The following ADAMTSL1 variants were observed in gnomAD, a reference collection of about 807,000 sequenced individuals.
The protein encoded by ADAMTSL1 is ADAMTS-like protein 1.
Under a neutral mutation model 201.8 loss-of-function variants are expected in ADAMTSL1, and 126 were observed. That is an observed-to-expected ratio of 0.62 (90% CI 0.54 to 0.72). ADAMTSL1 has a LOEUF of 0.72. ADAMTSL1 is among the 30% of genes least tolerant of loss of function. The pLI is 0.00. For synonymous variants in ADAMTSL1, 1,121 were observed against 903.4 expected (o/e 1.24, Z -4.32); for missense variants, 2,679 against 2,277.8 (o/e 1.18, Z -3.59).
chr9:18,636,575 A>G (rs1827126430), intron 6 of ADAMTSL1, among the ~76,000 whole-genome samples: 1 of 152,208 alleles, frequency 6.6e-6, no homozygotes, highest in African/African-American at 2.4e-5. Flanking sequence ...ACTGGGATTC[A>G]GGATTGAATG....
intron 2 of ADAMTSL1, among the ~76,000 whole-genome samples, chr9:18,185,380 C>G (rs1828689198): frequency 6.6e-6 from 1 of 152,092 alleles, no homozygotes; most frequent in South Asian, 2.1e-4. Context: ...TAAACACTTC[C>G]CCTGATGAGT....
intron 1 of ADAMTSL1, among the ~76,000 whole-genome samples, chr9:18,112,403 A>G (rs1825062592): frequency 6.6e-6 from 1 of 152,020 alleles, no homozygotes; most frequent in South Asian, 2.1e-4. Flanking sequence ...GGTATGTTCC[A>G]TACAGATTCT....
At chr9:17,994,642 A>G (rs1278057541) in intron 1 of ADAMTSL1, among the ~76,000 whole-genome samples, 1 of 152,174 alleles carries the variant, frequency 6.6e-6, no homozygotes, top group Non-Finnish European at 1.5e-5. Context: ...TGTATTTAAG[A>G]TAAAGTTAAC....
intron 21 of ADAMTSL1, among the ~76,000 whole-genome samples, chr9:18,822,774 T>C (rs1824292600): frequency 6.6e-6 from 1 of 152,228 alleles, no homozygotes; most frequent in Non-Finnish European, 1.5e-5. Flanking sequence ...GTTTGACTTA[T>C]AGCAAATGTT....
At chr9:18,244,114 T>TAC (rs1394713849) in intron 2 of ADAMTSL1, among the ~76,000 whole-genome samples, 18 of 38,168 alleles carry the variant, frequency 4.7e-4, no homozygotes, top group Non-Finnish European at 7.7e-4. Flanking sequence ...TGTGTGTACG[T>TAC]GTGTGTGTGT....
rs567436360 is a variant in ADAMTSL1 at position 18,375,205 on chromosome 9, A to G, written c.208-129624A>G. Among the ~76,000 whole-genome samples, 14 of 152,370 alleles carry G rather than the reference A, an allele frequency of 9.2e-5. No homozygotes were observed. The South Asian group carries it at 2.7e-3, about 29-fold the overall frequency. ...ATTAGGAGAAATGAACTATTCTGAT[A>G]GAGAATAGCCCTTACTGGTTCATTT... On this transcript the variant is annotated intron_variant, in intron 2 of 29. Transcript: ENST00000680146.
chr9:18,819,183 T>C (rs796308703), intron 21 of ADAMTSL1, among the ~76,000 whole-genome samples: 4 of 152,140 alleles, frequency 2.6e-5, no homozygotes, highest in African/African-American at 9.6e-5. Flanking sequence ...GGGCCAGGCA[T>C]GGGGACTCAC....
At chr9:18,756,120 T>C (rs1451602399) in intron 16 of ADAMTSL1, among the ~76,000 whole-genome samples, 1 of 75,316 alleles carries the variant, frequency 1.3e-5, no homozygotes, top group African/African-American at 4.9e-5. Context: ...TATATATATA[T>C]ATACAAAAAT....
intron 10 of ADAMTSL1, among the ~76,000 whole-genome samples, chr9:18,678,499 A>G (rs1830255256): frequency 6.6e-6 from 1 of 152,166 alleles, no homozygotes; most frequent in East Asian, 1.9e-4. Context: ...TTTTGAAATA[A>G]TATTGCCTCA....
At chr9:18,306,288 T>A (rs1833905522) in intron 2 of ADAMTSL1, among the ~76,000 whole-genome samples, 1 of 152,102 alleles carries the variant, frequency 6.6e-6, no homozygotes, top group South Asian at 2.1e-4. Context: ...CTTCTTCTCC[T>A]CCAAAGGATC....
At chr9:18,686,287 G>A (rs888747549) in intron 13 of ADAMTSL1, among the ~76,000 whole-genome samples, 9 of 152,172 alleles carry the variant, frequency 5.9e-5, no homozygotes, top group Non-Finnish European at 1.0e-4. Flanking sequence ...GTACTGTAAA[G>A]TTACTACAGC....
intron 14 of ADAMTSL1, among the ~76,000 whole-genome samples, chr9:18,709,814 T>TA (rs1419241974): frequency 6.6e-6 from 1 of 152,154 alleles, no homozygotes; most frequent in Non-Finnish European, 1.5e-5. Context: ...AAATCCACGT[T>TA]AAAATCTAGC....
chr9:18,381,968 T>C (rs1332252310), intron 2 of ADAMTSL1, among the ~76,000 whole-genome samples: 4 of 152,234 alleles, frequency 2.6e-5, no homozygotes, highest in Admixed American at 6.5e-5. Context: ...ATACTGTTTC[T>C]AGACAGGTCA....
At chr9:18,903,909 G>C (rs1459177591) in intron 26 of ADAMTSL1, among the ~76,000 whole-genome samples, 1 of 151,274 alleles carries the variant, frequency 6.6e-6, no homozygotes, top group Non-Finnish European at 1.5e-5. Context: ...TTGTTCAAAG[G>C]TCAACTATAC....
intron 2 of ADAMTSL1, 81 bp from the exon 3 acceptor site, chr9:18,533,166 G>T: frequency 7.9e-7 from 1 of 1,263,176 alleles, no homozygotes; most frequent in South Asian, 1.3e-5. Flanking sequence ...CTAGTATTTA[G>T]AGCAAATTTT....
chr9:17,948,894 A>G (rs759538188), intron 1 of ADAMTSL1, among the ~76,000 whole-genome samples: 30 of 152,348 alleles, frequency 2.0e-4, no homozygotes, highest in Middle Eastern at 3.4e-3. Flanking sequence ...AATTATCAGT[A>G]ATCCTCTCTA....
chr9:18,658,719 C>G (rs184623280), intron 8 of ADAMTSL1, among the ~76,000 whole-genome samples: 36 of 152,314 alleles, frequency 2.4e-4, no homozygotes, highest in African/African-American at 8.4e-4. Flanking sequence ...TTCTGCTCAT[C>G]ATAATTATAG....
chr9:18,223,110 C>T (rs969592116), intron 2 of ADAMTSL1, among the ~76,000 whole-genome samples: 1 of 151,910 alleles, frequency 6.6e-6, no homozygotes, highest in African/African-American at 2.4e-5. Flanking sequence ...CATCAATTTC[C>T]AGCCAATATC....
chr9:18,211,703 C>T lies in ADAMTSL1; in HGVS notation c.207+47722C>T, dbSNP rs147054560. On this transcript the variant is annotated intron_variant, in intron 2 of 29. Coordinates refer to the ADAMTSL1 transcript ENST00000680146. ...CTTTTATTTTAGAAGAGAATTTCAC[C>T]GTCCCTTCAGCATCTGAAGCTAAAG... Among the ~76,000 whole-genome samples, 10 of 152,204 alleles carry T rather than the reference C, an allele frequency of 6.6e-5. No individual in the cohort carries two copies. The East Asian group carries it at 9.7e-4, about 15-fold the overall frequency.
Sources: allele counts gnomAD v4.1 joint callset (sites outside exome capture counted in the v4.1 genomes callset), GRCh38; gene constraint gnomAD v4.1.1; transcripts MANE v1.5; gene names NCBI Gene and HGNC (gene_info 2026-07-23, HGNC 2026-07-21).